Variants in ABCB5 observed in about 807,000 individuals in gnomAD.
ABCB5 encodes the protein ATP-binding cassette sub-family B member 5.
ABCB5 carries 155 observed loss-of-function variants against 144.2 expected under a neutral mutation model. That is an observed-to-expected ratio of 1.08 (90% CI 0.94 to 1.23). The LOEUF (loss-of-function observed/expected upper bound fraction) is 1.23, where lower values mean the gene tolerates loss of function less well. Ranked by LOEUF, ABCB5 falls within the 50% of genes most tolerant of loss-of-function variation. The pLI, the probability that ABCB5 is intolerant of heterozygous loss-of-function variation, is 0.00. For missense variants in ABCB5, 1,830 were observed against 1,520.8 expected (o/e 1.20, Z -3.38); for synonymous variants, 610 against 528.6 (o/e 1.15, Z -2.11).
chr7:20,650,675 C>G, intron 12 of ABCB5, among the ~76,000 whole-genome samples: 1 of 151,864 alleles, frequency 6.6e-6, no homozygotes, highest in Non-Finnish European at 1.5e-5. Flanking sequence ...ATTCTTAATG[C>G]TTCTGTTCAA....
chr7:20,728,763 A>G (rs569459480), intron 23 of ABCB5, among the ~76,000 whole-genome samples: 1 of 152,142 alleles, frequency 6.6e-6, no homozygotes, highest in Non-Finnish European at 1.5e-5. Context: ...CAAAATAAAT[A>G]AATTAATTAA....
intron 19 of ABCB5, among the ~76,000 whole-genome samples, chr7:20,702,912 G>A (rs1786683348): frequency 6.9e-6 from 1 of 145,526 alleles, no homozygotes; most frequent in Non-Finnish European, 1.5e-5. Context: ...TCCTGACCTC[G>A]TGATCCACCC....
At chr7:20,662,616 A>G (rs7791970) in intron 14 of ABCB5, among the ~76,000 whole-genome samples, 7,766 of 152,270 alleles carry the variant, frequency 0.051, 558 homozygotes, top group African/African-American at 0.16. Context: ...CTCCAAGGGA[A>G]TTTCCTTGGC....
intron 14 of ABCB5, among the ~76,000 whole-genome samples, chr7:20,671,232 G>GTCTCAT (rs1469848272): frequency 2.0e-5 from 3 of 152,194 alleles, no homozygotes; most frequent in African/African-American, 7.2e-5. Flanking sequence ...AAATGTCTCA[G>GTCTCAT]TCTCATTCAG....
intron 25 of ABCB5, among the ~76,000 whole-genome samples, chr7:20,744,150 C>G (rs1411078293): frequency 6.6e-6 from 1 of 152,082 alleles, no homozygotes; most frequent in East Asian, 1.9e-4. Context: ...CTGCAACCCC[C>G]GCCTCTAGGG....
intron 13 of ABCB5, among the ~76,000 whole-genome samples, chr7:20,652,193 A>G (rs1402842471): frequency 1.3e-5 from 2 of 152,236 alleles, no homozygotes; most frequent in Non-Finnish European, 2.9e-5. Flanking sequence ...CATACACACA[A>G]TGTTCAGATT....
At chr7:20,628,927 G>T (rs1333075397) in intron 4 of ABCB5, 89 bp downstream of exon 4, 13 of 1,419,706 alleles carry the variant, frequency 9.2e-6, no homozygotes, top group Non-Finnish European at 1.3e-5. Flanking sequence ...GCAGATTATT[G>T]TATTGTAAAA....
intron 20 of ABCB5, among the ~76,000 whole-genome samples, chr7:20,715,396 G>A (rs1211912158): frequency 1.3e-5 from 2 of 151,820 alleles, no homozygotes; most frequent in African/African-American, 4.8e-5. Context: ...GCTGGAATGC[G>A]TGGTGTATGT....
Position 20,718,079 on chromosome 7 carries a change from G to GTT in ABCB5, c.2422-4927_2422-4926dup, listed in dbSNP as rs377757870. 1.6e-3 allele frequency among the ~76,000 whole-genome samples: 220 copies of GTT among 140,402 alleles called. 2 individuals are homozygous for GTT. The highest frequency in any genetic ancestry group is 5.2e-3 in the African/African-American group (199 of 38,568). 92.1% of individuals were successfully genotyped at this position (140,402 alleles called of 152,430 possible). On this transcript the variant is annotated intron_variant, in intron 20 of 27. Transcript: ENST00000404938. ...ACCACGCCTGGCTAATTTTTTTGTG[G>GTT]TTTTTTTTTTTAGTAGAGACGGGGT...
intron 24 of ABCB5, among the ~76,000 whole-genome samples, chr7:20,740,844 C>A (rs1782537854): frequency 6.6e-6 from 1 of 152,096 alleles, no homozygotes; most frequent in Non-Finnish European, 1.5e-5. Context: ...TGGTGGCTTA[C>A]ACCTGTAATC....
intron 20 of ABCB5, among the ~76,000 whole-genome samples, chr7:20,716,933 T>C (rs182746403): frequency 2.6e-5 from 4 of 152,206 alleles, no homozygotes; most frequent in Admixed American, 6.5e-5. Context: ...ATCTACTCGA[T>C]TCCCCAGCGA....
intron 26 of ABCB5, among the ~76,000 whole-genome samples, chr7:20,746,733 T>A (rs1442038164): frequency 2.0e-5 from 3 of 152,238 alleles, no homozygotes; most frequent in African/African-American, 4.8e-5. Context: ...CAGAGAGGGA[T>A]AATTGTAACT....
intron 26 of ABCB5, 83 bp downstream of exon 26, chr7:20,745,521 T>C: frequency 8.3e-7 from 1 of 1,200,414 alleles, no homozygotes; most frequent in Non-Finnish European, 1.2e-6. Context: ...TGTTTTTATG[T>C]ATTCCTTGGA....
chr7:20,696,970 T>C (rs1312661753), intron 16 of ABCB5, among the ~76,000 whole-genome samples: 1 of 152,172 alleles, frequency 6.6e-6, no homozygotes, highest in African/African-American at 2.4e-5. Context: ...TGTAATTTAC[T>C]GGTGTCCTGG....
At position 20,681,657 on chromosome 7, in the gene ABCB5, G is replaced by C. The variant is rs1785835456; in HGVS notation, c.1860G>C (p.Val620=). The C allele has an allele frequency of 6.2e-7, 1 of 1,613,778 alleles. No homozygotes were observed. The highest frequency in any genetic ancestry group is 1.3e-5 in the African/African-American group (1 of 74,896). Reference sequence around the variant, plus strand: ...AACGAGGTCTATATTATTCACTTGTGATGTCACAGGTAATGCTTATGTGAC... The same window carrying C: ...AACGAGGTCTATATTATTCACTTGTCATGTCACAGGTAATGCTTATGTGAC... ...MAKRGLYYSL[V]MSQDIKKADE... is the part of the protein sequence containing the mutation. The change falls in exon 15 of 28, where the codon GTG becomes GTC. Residue 620 remains valine, a synonymous_variant. Transcript: ENST00000404938.
At chr7:20,668,521 T>A (rs1248912305) in intron 14 of ABCB5, among the ~76,000 whole-genome samples, 3 of 148,070 alleles carry the variant, frequency 2.0e-5, no homozygotes, top group African/African-American at 7.6e-5. Flanking sequence ...AGCCCCTCCG[T>A]CCGGCAGCCA....
intron 1 of ABCB5, among the ~76,000 whole-genome samples, chr7:20,618,764 CTTTTTTTT>C (rs59970398): frequency 1.2e-4 from 6 of 51,544 alleles, no homozygotes; most frequent in Non-Finnish European, 2.1e-4. Flanking sequence ...GCTGCATTTT[CTTTTTTTT>C]TTTTTTTTTT....
Position 20,742,858 on chromosome 7 carries a change from T to A in ABCB5, c.3025-19T>A, listed in dbSNP as rs767431491. The A allele has an allele frequency of 4.3e-6, 7 of 1,613,064 alleles. No individual in the cohort carries two copies. In the South Asian group the frequency reaches 7.7e-5, roughly 18 times the overall value. On this transcript the variant is annotated intron_variant, in intron 24 of 27. Coordinates refer to ENST00000404938, the MANE Select transcript of ABCB5 (RefSeq NM_001163941.2). ...CTTCCCAAGTCATTCTTCTCAACTCTGTCAACTTCCTTTCACAGGACACAT... is the reference window on the plus strand; with the variant it reads ...CTTCCCAAGTCATTCTTCTCAACTCAGTCAACTTCCTTTCACAGGACACAT...
rs1014714654 is a variant in ABCB5 at position 20,703,721 on chromosome 7, A to G, written c.2338-1003A>G. 3.0e-4 allele frequency among the ~76,000 whole-genome samples: 45 copies of G among 152,234 alleles called. 1 individual carries two copies. The highest frequency in any genetic ancestry group is 1.1e-3 in the African/African-American group (44 of 41,460). On this transcript the variant is annotated intron_variant, in intron 19 of 27. Coordinates refer to ENST00000404938, the MANE Select transcript of ABCB5 (RefSeq NM_001163941.2). ...GTGGTTCCAGTGAGTGTGAGGAAAC[A>G]TTCAATAGCTATAAGAGGAAATCAG...
Sources: gnomAD v4.1 joint callset for allele counts (sites outside exome capture counted in the v4.1 genomes callset) on GRCh38, gnomAD v4.1.1 for gene constraint, MANE v1.5 for transcripts, NCBI Gene and HGNC (gene_info 2026-07-23, HGNC 2026-07-21) for gene names.